The following LIMS2 variants were observed in gnomAD, a reference collection of about 807,000 sequenced individuals.
LIMS2 encodes the protein LIM zinc finger domain containing 2.
In LIMS2, 30 loss-of-function variants were observed where a neutral mutation model predicts 45.3. That is an observed-to-expected ratio of 0.66 (90% confidence interval 0.50 to 0.90). The LOEUF is 0.90. Among genes scored for constraint, LIMS2 ranks in the 40% least tolerant of loss-of-function variants. LIMS2 has a pLI of 0.00. For missense variants in LIMS2, 485 were observed against 468.7 expected (o/e 1.03, Z -0.32); for synonymous variants, 173 against 188.0 (o/e 0.92, Z 0.65).
chr2:127,651,509 C>A (rs778001264), intron 4 of LIMS2: 1 of 1,612,634 alleles, frequency 6.2e-7, no homozygotes, highest in African/African-American at 1.3e-5. Context: ...GCTCCGTCTA[C>A]GTGCTGCACT....
At chr2:127,649,807 C>T (rs528409265) in intron 4 of LIMS2, 36 of 569,694 alleles carry the variant, frequency 6.3e-5, no homozygotes, top group East Asian at 1.5e-4. Context: ...GGGCAAGCCA[C>T]GAGGCCTCCA....
intron 4 of LIMS2, chr2:127,646,376 T>C (rs1476180596): frequency 6.6e-6 from 1 of 152,206 alleles, no homozygotes; most frequent in Non-Finnish European, 1.5e-5. Flanking sequence ...GTCTGACCTG[T>C]GCATCGAAGG....
chr2:127,671,093 C>T lies in LIMS2; in HGVS notation c.11+3921G>A, dbSNP rs1165818068. 1.3e-5 allele frequency among the ~76,000 whole-genome samples: 2 copies of T among 152,188 alleles called. No homozygotes were observed. Among genetic ancestry groups the T allele is most frequent in the Non-Finnish European group, 2.9e-5 (2 of 68,016 alleles). ...CAAGCAAGACAGTGACAGTGCCTCC[C>T]TTGGCCCCTTTCCCACCTGGAAGTG... On this transcript the variant is annotated intron_variant, in intron 1 of 9. Transcript: ENST00000355119. The surrounding 1 kb of genome is among the most constrained non-coding windows in gnomAD (Gnocchi z 4.1).
At chr2:127,639,504 C>T in intron 9 of LIMS2, 76 bp from the exon 10 acceptor site, 3 of 1,557,006 alleles carry the variant, frequency 1.9e-6, no homozygotes, top group South Asian at 1.2e-5. Flanking sequence ...GTGGAGTGGG[C>T]TTCCCTCAGC....
Position 127,642,270 on chromosome 2 carries a change from C to A in LIMS2, c.510-71G>T. ...CAGGGTCATGCCAGCAGCGCCTCCA[C>A]CCCAGGGCACGGCTCCCCGAGGGGC... is the stretch of plus-strand genomic sequence containing the variant. On this transcript the variant is annotated intron_variant, in intron 5 of 9. Transcript: ENST00000355119. This position sits in a 1 kb window ranked among gnomAD's most constrained non-coding sequence, Gnocchi z 5.3. 7.1e-7 allele frequency: 1 copy of A among 1,414,342 alleles called. No homozygotes were observed. Among genetic ancestry groups the A allele is most frequent in the African/African-American group, 1.4e-5 (1 of 69,146 alleles). 87.6% of individuals were successfully genotyped at this position (1,414,342 alleles called of 1,614,324 possible). A position where few individuals can be genotyped will look rare whatever the true frequency, so the allele number is the denominator to read the frequency against.
chr2:127,658,124 A>T (rs985896003), intron 1 of LIMS2, among the ~76,000 whole-genome samples: 2 of 152,212 alleles, frequency 1.3e-5, no homozygotes, highest in African/African-American at 4.8e-5. Context: ...AGAATGGCTC[A>T]AGCCTGTCAT....
chr2:127,642,714 GC>G lies in LIMS2; in HGVS notation c.509+208del, dbSNP rs1682560629. The stretch of plus-strand genomic sequence containing the variant: ...GAGTCTCAAGTGCCCCCCAAACAGA[GC>G]CCTGGAGAGAGAAGCTTCCTGCCAT... On this transcript the variant is annotated intron_variant, in intron 5 of 9. Transcript: ENST00000355119. This position sits in a 1 kb window ranked among gnomAD's most constrained non-coding sequence, Gnocchi z 5.3. 3 of 601,754 alleles carry G rather than the reference GC, an allele frequency of 5.0e-6. No homozygotes were observed. The highest frequency in any genetic ancestry group is 8.7e-6 in the Non-Finnish European group (3 of 345,446). The allele number at this position is 601,754 out of a possible 1,614,324, so 37.3% of individuals were successfully genotyped here. A position where few individuals can be genotyped will look rare whatever the true frequency, so the allele number is the denominator to read the frequency against.
At chr2:127,679,855 G>A (rs1685579021), upstream of LIMS2, among the ~76,000 whole-genome samples, 1 of 152,166 alleles carries the variant, frequency 6.6e-6, no homozygotes, top group Non-Finnish European at 1.5e-5. This position sits in a 1 kb window ranked among gnomAD's most constrained non-coding sequence, Gnocchi z 5.3. Context: ...CAGCTCTCAG[G>A]AGGCCTCAGG....
In LIMS2 at chr2:127,642,559, C is replaced by T; in HGVS notation, c.510-360G>A. ...GCGAGGACGGGGGCTGAGGGGCTGC[C>T]TATGCAACTCCTCTCTCCAACACCA... On this transcript the variant is annotated intron_variant, in intron 5 of 9. Transcript: ENST00000355119. The surrounding 1 kb of genome is among the most constrained non-coding windows in gnomAD (Gnocchi z 5.3). 2 of 362,752 alleles carry T rather than the reference C, an allele frequency of 5.5e-6. No individual in the cohort carries two copies. The highest frequency in any genetic ancestry group is 5.2e-5 in the South Asian group (1 of 19,180). The allele number at this position is 362,752 out of a possible 1,614,324, so 22.5% of individuals were successfully genotyped here.
chr2:127,665,370 T>C (rs1005178160), intron 1 of LIMS2, among the ~76,000 whole-genome samples: 2 of 152,100 alleles, frequency 1.3e-5, no homozygotes, highest in Non-Finnish European at 2.9e-5. Flanking sequence ...GAGAAAGCCT[T>C]GGAGGGGCTC....
intron 4 of LIMS2, chr2:127,651,721 A>G: frequency 6.2e-7 from 1 of 1,612,670 alleles, no homozygotes; most frequent in Non-Finnish European, 8.5e-7. Context: ...GGGAAAACCA[A>G]CGAGAGCTCG....
chr2:127,670,404 T>G (rs1376220894), intron 1 of LIMS2, among the ~76,000 whole-genome samples: 1 of 152,148 alleles, frequency 6.6e-6, no homozygotes, highest in Non-Finnish European at 1.5e-5. Flanking sequence ...ATGGCTCCAT[T>G]TATGTGAAAT....
chr2:127,663,917 G>C (rs1296000960), intron 1 of LIMS2, among the ~76,000 whole-genome samples: 1 of 152,166 alleles, frequency 6.6e-6, no homozygotes, highest in East Asian at 1.9e-4. Context: ...GCTGGAGTCA[G>C]TCTAACCTGG....
At chr2:127,651,941 GCCAC>G in intron 4 of LIMS2, 1 of 633,680 alleles carries the variant, frequency 1.6e-6, no homozygotes. Flanking sequence ...GGATCCATCG[GCCAC>G]CCCTCTGCAG....
At chr2:127,656,371 C>T (rs2105299006) in intron 2 of LIMS2, among the ~76,000 whole-genome samples, 1 of 151,726 alleles carries the variant, frequency 6.6e-6, no homozygotes, top group South Asian at 2.1e-4. Flanking sequence ...GCCTTACATC[C>T]TCTCCTCAGC....
rs1011462855 is a variant in LIMS2 at position 127,638,907 on chromosome 2, C to T, written c.*374G>A. 1.4e-5 allele frequency: 3 copies of T among 214,334 alleles called. No homozygotes were observed. The highest frequency in any genetic ancestry group is 2.8e-5 in the Non-Finnish European group (3 of 106,744). The allele number at this position is 214,334 out of a possible 1,614,324, so 13.3% of individuals were successfully genotyped here. On this transcript the variant is annotated 3_prime_UTR_variant, in exon 10 of 10. Coordinates refer to ENST00000355119, the MANE Select transcript of LIMS2 (RefSeq NM_001161403.3). ...TAGTGGGGCCGCTCTGGGGCAGGGG[C>T]TCTCACAGGACAGCATGAGCCACTG...
chr2:127,638,945 A>C lies in LIMS2; in HGVS notation c.*336T>G. On this transcript the variant is annotated 3_prime_UTR_variant, in exon 10 of 10. Transcript: ENST00000355119. ...GCATGAGCCACTGAGCCGCCTGGGG[A>C]GGGCCAGGCCAGGCGGGGAGCTGTG... 1 of 292,994 alleles carries C rather than the reference A, an allele frequency of 3.4e-6. No homozygotes were observed. Among genetic ancestry groups the C allele is most frequent in the Non-Finnish European group, 6.5e-6 (1 of 153,440 alleles). The allele number at this position is 292,994 out of a possible 1,614,324, so 18.1% of individuals were successfully genotyped here.
At chr2:127,641,907 G>C in intron 6 of LIMS2, 142 bp downstream of exon 6, 1 of 977,078 alleles carries the variant, frequency 1.0e-6, no homozygotes. Context: ...ACAGGGAGGG[G>C]CAGTACCCCT....
At chr2:127,665,780 A>C (rs776350142) in intron 1 of LIMS2, among the ~76,000 whole-genome samples, 1 of 152,196 alleles carries the variant, frequency 6.6e-6, no homozygotes, top group Non-Finnish European at 1.5e-5. Context: ...AATCCTCAAC[A>C]CTAGAATCCA....
Sources: gnomAD v4.1 joint callset for allele counts (sites outside exome capture counted in the v4.1 genomes callset) on GRCh38, gnomAD v4.1.1 for gene constraint, Gnocchi (gnomAD v3.1) non-coding constraint, MANE v1.5 for transcripts, NCBI Gene and HGNC (gene_info 2026-07-23, HGNC 2026-07-21) for gene names.